Variants in ZFR2 observed in about 807,000 individuals in gnomAD.
ZFR2 encodes the protein zinc finger RNA binding protein 2.
Under a neutral mutation model 105.7 loss-of-function variants are expected in ZFR2, and 104 were observed. The ratio of observed to expected loss-of-function variants is 0.98; its 90% confidence interval spans 0.84 to 1.16. The LOEUF (loss-of-function observed/expected upper bound fraction) is 1.16, where lower values mean the gene tolerates loss of function less well. Among genes scored for constraint, ZFR2 ranks in the 50% most tolerant of loss-of-function variants. The pLI, the probability that ZFR2 is intolerant of heterozygous loss-of-function variation, is 0.00. For synonymous variants in ZFR2, 634 were observed against 597.7 expected, an observed-to-expected ratio of 1.06 and a Z score of -0.89; for missense variants, 1,425 against 1,355.5, an observed-to-expected ratio of 1.05 and a Z score of -0.80.
chr19:3,838,053 GACCGTGACACGTGATGAACACCA>G lies in ZFR2; in HGVS notation c.54-3093_54-3071del, dbSNP rs2038096057. ...GACTGTGACACACGATGAACACCAT[GACCGTGACACGTGATGAACACCA>G]TGACCGTGACACGCGATGAACACCG... is the stretch of plus-strand genomic sequence containing the variant. On this transcript the variant is annotated intron_variant, in intron 1 of 18. Coordinates refer to ENST00000262961, the MANE Select transcript of ZFR2 (RefSeq NM_015174.2). The surrounding 1 kb of genome is among the most constrained non-coding windows in gnomAD (Gnocchi z 4.9). Among the ~76,000 whole-genome samples the G allele has an allele frequency of 6.7e-6, 1 of 150,246 alleles. No homozygotes were observed. The highest frequency in any genetic ancestry group is 6.6e-5 in the Admixed American group (1 of 15,068).
chr19:3,826,497 G>A (rs958503255), intron 6 of ZFR2, among the ~76,000 whole-genome samples: 9 of 151,576 alleles, frequency 5.9e-5, no homozygotes, highest in Admixed American at 2.0e-4. Context: ...GTGCGGTGGC[G>A]AGATCTCAGC....
chr19:3,836,438 C>G (rs1369496549), intron 1 of ZFR2, among the ~76,000 whole-genome samples: 1 of 152,194 alleles, frequency 6.6e-6, no homozygotes, highest in Non-Finnish European at 1.5e-5. Context: ...AACCCTGCCT[C>G]AGCCTCTCAG....
At chr19:3,820,047 G>A in intron 11 of ZFR2, 135 bp downstream of exon 11, 1 of 823,606 alleles carries the variant, frequency 1.2e-6, no homozygotes, top group Non-Finnish European at 1.9e-6. Flanking sequence ...GGAGTGAGGA[G>A]GCCTGGGCCA....
chr19:3,819,856 A>AGAAAAAAAAAAAAAAC (rs200662312), intron 11 of ZFR2, among the ~76,000 whole-genome samples: 1 of 150,446 alleles, frequency 6.6e-6, no homozygotes, highest in East Asian at 2.0e-4. Flanking sequence ...CTGTCTCAAA[A>AGAAAAAAAAAAAAAAC]AAAAATAGTT....
Position 3,830,269 on chromosome 19 carries a change from AT to A in ZFR2, c.852+1033del. On this transcript the variant is annotated intron_variant, in intron 5 of 18. Transcript: ENST00000262961. ...GACCTGGGCGACATAGTGAGACCCC[AT>A]CTCTATTGAAAATTTAAAAAATTAG... Among the ~76,000 whole-genome samples, 3 of 152,202 alleles carry A rather than the reference AT, an allele frequency of 2.0e-5. 1 individual carries two copies. The highest frequency in any genetic ancestry group is 7.2e-5 in the African/African-American group (3 of 41,550).
rs151181939 is a variant in ZFR2, at chr19:3,805,573, A to C, written c.*376T>G. 3.9e-5 allele frequency: 7 copies of C among 178,142 alleles called. No individual in the cohort carries two copies. In the East Asian group the frequency reaches 9.3e-4, roughly 24 times the overall value. The allele number at this position is 178,142 out of a possible 1,614,324, so 11.0% of individuals were successfully genotyped here. ...ACCATGTTGACCAGGCCGGTCTCGA[A>C]CTCCTGACCTCAGGCGATCTGCCCA... On this transcript the variant is annotated 3_prime_UTR_variant, in exon 19 of 19. Coordinates refer to ENST00000262961, the MANE Select transcript of ZFR2 (RefSeq NM_015174.2).
At chr19:3,855,854 T>A (rs2038292466) in intron 1 of ZFR2, among the ~76,000 whole-genome samples, 1 of 151,496 alleles carries the variant, frequency 6.6e-6, no homozygotes, top group Non-Finnish European at 1.5e-5. Context: ...TGAGGGGAGA[T>A]GGGGTCAGAG....
intron 11 of ZFR2, 66 bp downstream of exon 11, chr19:3,820,116 G>C: frequency 6.7e-7 from 1 of 1,484,908 alleles, no homozygotes. Flanking sequence ...TCCTCCCGAG[G>C]AGGTGTCCGC....
chr19:3,833,638 C>T, intron 3 of ZFR2, 26 bp downstream of exon 3: 1 of 1,528,222 alleles, frequency 6.5e-7, no homozygotes, highest in Non-Finnish European at 8.8e-7. Flanking sequence ...TCCTCGTTCC[C>T]AGCCCCGACC....
chr19:3,822,194 T>C lies in ZFR2; in HGVS notation c.1378A>G (p.Ser460Gly), dbSNP rs565742931. 7 of 1,590,820 alleles carry C rather than the reference T, an allele frequency of 4.4e-6. No homozygotes were observed. The highest frequency in any genetic ancestry group is 6.0e-6 in the Non-Finnish European group (7 of 1,169,432). The change falls in exon 9 of 19, where the codon AGC becomes GGC. Residue 460 changes from serine (S) to glycine (G), a missense_variant. Ser to Gly is a moderately conservative substitution (Grantham distance 56, BLOSUM62 0). Coordinates refer to ENST00000262961, the MANE Select transcript of ZFR2 (RefSeq NM_015174.2). ...AAGCGAAGCACTCGCCCTTCGTCGCTGAACACCTGAGACACAGAACAGCCG... is the reference window on the plus strand; with the variant it reads ...AAGCGAAGCACTCGCCCTTCGTCGCCGAACACCTGAGACACAGAACAGCCG... Reference protein sequence around the residue: ...VGPEYVEEVFSDEGRVLRFHC... With the variant: ...VGPEYVEEVFGDEGRVLRFHC...
At chr19:3,820,634 G>T (rs1467557266) in intron 10 of ZFR2, among the ~76,000 whole-genome samples, 1 of 151,954 alleles carries the variant, frequency 6.6e-6, no homozygotes, top group Non-Finnish European at 1.5e-5. Flanking sequence ...GGACACAGGG[G>T]ACACTGGGAA....
At chr19:3,827,719 CAGGCCCCCGGCTTAGCGCGAGGGA>C (rs1293983908) in intron 5 of ZFR2, 66 bp from the exon 6 acceptor site, 1 of 1,532,014 alleles carries the variant, frequency 6.5e-7, no homozygotes, top group African/African-American at 1.4e-5. Context: ...CCCTCCCCTG[CAGGCCCCCGGCTTAGCGCGAGGGA>C]ACTCGGTGGT....
chr19:3,850,723 AAACAACAACAAC>A (rs59895843), intron 1 of ZFR2, among the ~76,000 whole-genome samples: 95 of 148,198 alleles, frequency 6.4e-4, no homozygotes, highest in African/African-American at 2.3e-3. Flanking sequence ...CTCTACAGAA[AAACAACAACAAC>A]AACAACAACA....
chr19:3,832,206 T>G (rs1490515797), intron 3 of ZFR2, among the ~76,000 whole-genome samples: 1 of 152,052 alleles, frequency 6.6e-6, no homozygotes, highest in Non-Finnish European at 1.5e-5. Context: ...TTAGCTGCAT[T>G]TTCAGTCCTC....
intron 1 of ZFR2, chr19:3,852,242 G>A: frequency 1.8e-6 from 1 of 566,938 alleles, no homozygotes. Context: ...TCAGCTGGAT[G>A]GCTCTCCTGG....
chr19:3,862,303 G>C (rs921111017), intron 1 of ZFR2, among the ~76,000 whole-genome samples: 1 of 152,056 alleles, frequency 6.6e-6, no homozygotes, highest in Non-Finnish European at 1.5e-5. Flanking sequence ...CTAACTTTTG[G>C]TTCTTTTCTT....
intron 14 of ZFR2, among the ~76,000 whole-genome samples, chr19:3,812,693 T>C (rs2037778842): frequency 6.6e-6 from 1 of 152,136 alleles, no homozygotes; most frequent in Non-Finnish European, 1.5e-5. Context: ...TGTACTTAGT[T>C]TTTAGATGAC....
Position 3,834,238 on chromosome 19 carries a change from G to A in ZFR2, c.265-460C>T, listed in dbSNP as rs1346126183. On this transcript the variant is annotated intron_variant, in intron 2 of 18. Transcript: ENST00000262961. This position sits in a 1 kb window ranked among gnomAD's most constrained non-coding sequence, Gnocchi z 5.3. ...CTGGGAAATTGGAGCATGGTCACGG[G>A]GGACATCTTTGCGACACCAAGTGGG... 1.3e-5 allele frequency among the ~76,000 whole-genome samples: 2 copies of A among 152,136 alleles called. No individual in the cohort carries two copies. Among genetic ancestry groups the A allele is most frequent in the South Asian group, 2.1e-4 (1 of 4,832 alleles).
chr19:3,807,742 G>GCGCC (rs2037714747), intron 17 of ZFR2, among the ~76,000 whole-genome samples: 1 of 129,064 alleles, frequency 7.7e-6, no homozygotes, highest in Admixed American at 8.6e-5. Context: ...GTGTGCATGT[G>GCGCC]TGCCTGTGCA....
Sources: gnomAD v4.1 joint callset for allele counts (sites outside exome capture counted in the v4.1 genomes callset) on GRCh38, gnomAD v4.1.1 for gene constraint, Gnocchi (gnomAD v3.1) non-coding constraint, MANE v1.5 for transcripts, NCBI Gene and HGNC (gene_info 2026-07-23, HGNC 2026-07-21) for gene names.